Variants in ALG14 observed in about 807,000 individuals in gnomAD.
The protein encoded by ALG14 is ALG14 UDP-N-acetylglucosaminyltransferase subunit.
A neutral mutation model predicts 22.8 loss-of-function variants in ALG14; 17 were observed. The observed-to-expected ratio is 0.75, with a 90% CI of 0.51 to 1.12. The LOEUF (loss-of-function observed/expected upper bound fraction) is 1.12, where lower values mean the gene tolerates loss of function less well. Among genes scored for constraint, ALG14 ranks in the 50% most tolerant of loss-of-function variants. The pLI, the probability that ALG14 is intolerant of heterozygous loss-of-function variation, is 0.00. For synonymous variants in ALG14, 89 were observed against 103.7 expected (o/e 0.86, Z 0.86); for missense variants, 288 against 271.8 (o/e 1.06, Z -0.42).
intron 2 of ALG14, among the ~76,000 whole-genome samples, chr1:95,039,980 C>T (rs758727084): frequency 6.6e-6 from 1 of 151,948 alleles, no homozygotes; most frequent in Non-Finnish European, 1.5e-5. Context: ...CAAGACCAGG[C>T]TGGGCAACAC....
chr1:95,060,262 G>A (rs1487500431), intron 2 of ALG14, among the ~76,000 whole-genome samples: 2 of 151,782 alleles, frequency 1.3e-5, no homozygotes, highest in African/African-American at 4.8e-5. Context: ...GCTCTTCCCA[G>A]CTTCAGATTC....
rs1241073933 is a variant in ALG14 at position 94,979,702 on chromosome 1, G to T, written c.*3374C>A. 1 of 152,182 alleles carries T rather than the reference G, an allele frequency of 6.6e-6. No homozygotes were observed. The highest frequency in any genetic ancestry group is 1.9e-4 in the East Asian group (1 of 5,178). The allele number at this position is 152,182 out of a possible 1,614,324, so 9.4% of individuals were successfully genotyped here. A position where few individuals can be genotyped will look rare whatever the true frequency, so the allele number is the denominator to read the frequency against. On this transcript the variant is annotated 3_prime_UTR_variant, in exon 4 of 4. Coordinates refer to ENST00000370205, the MANE Select transcript of ALG14 (RefSeq NM_144988.4). ...AATGATCCCAAAGTTTGTTGCTTGAGGGACATGATAGAAGCTAGTGGGCTA... is the reference window on the plus strand; with the variant it reads ...AATGATCCCAAAGTTTGTTGCTTGATGGACATGATAGAAGCTAGTGGGCTA...
chr1:95,047,033 T>TAACATAACATAACA (rs1327938583), intron 2 of ALG14, among the ~76,000 whole-genome samples: 1 of 145,218 alleles, frequency 6.9e-6, no homozygotes, highest in Non-Finnish European at 1.5e-5. Context: ...TAACATAACA[T>TAACATAACATAACA]AACGACATGC....
At chr1:95,060,552 T>TAAA (rs200328047) in intron 2 of ALG14, among the ~76,000 whole-genome samples, 31 of 138,772 alleles carry the variant, frequency 2.2e-4, no homozygotes, top group African/African-American at 6.9e-4. Context: ...CTGTCTCTAT[T>TAAA]AAAAAAAAAA....
In ALG14 at chr1:95,017,470, G is replaced by A. The variant is rs146024758; in HGVS notation, c.420+9659C>T. Among the ~76,000 whole-genome samples, 44 of 152,312 alleles carry A rather than the reference G, an allele frequency of 2.9e-4. No individual in the cohort carries two copies. The East Asian group carries it at 8.3e-3, about 29-fold the overall frequency. On this transcript the variant is annotated intron_variant, in intron 3 of 3. Transcript: ENST00000370205. ...ATCTGATCGGGGCAGTTGGAAAGGA[G>A]TGCAGGTAAACAGGCCAACCTCTAG...
chr1:94,986,301 C>T (rs1377733944), intron 3 of ALG14, among the ~76,000 whole-genome samples: 1 of 152,072 alleles, frequency 6.6e-6, no homozygotes, highest in Admixed American at 6.5e-5. Context: ...GCACCTAGAA[C>T]AAAGCAGCCA....
intron 3 of ALG14, among the ~76,000 whole-genome samples, chr1:95,000,735 T>C (rs1408215126): frequency 7.3e-6 from 1 of 137,666 alleles, no homozygotes; most frequent in African/African-American, 2.8e-5. Flanking sequence ...ATTCAACCTA[T>C]GCTTACTGGA....
At chr1:95,057,202 T>C (rs1674965245) in intron 2 of ALG14, among the ~76,000 whole-genome samples, 1 of 151,424 alleles carries the variant, frequency 6.6e-6, no homozygotes, top group Non-Finnish European at 1.5e-5. Context: ...TATATGGATA[T>C]GGAAATATAT....
At chr1:95,044,849 A>T (rs778949213) in intron 2 of ALG14, among the ~76,000 whole-genome samples, 11 of 152,080 alleles carry the variant, frequency 7.2e-5, no homozygotes, top group Non-Finnish European at 1.3e-4. Flanking sequence ...GAAAGCAAAT[A>T]TTTATTGCTG....
chr1:94,978,800 T>A lies in ALG14; in HGVS notation c.*4276A>T, dbSNP rs1173500061. On this transcript the variant is annotated 3_prime_UTR_variant, in exon 4 of 4. Transcript: ENST00000370205. ...CCTTCTACTCCGTCATAGTACCCTGTTACCCCATTTATTTCCTTTTGAGGA... is the reference window on the plus strand; with the variant it reads ...CCTTCTACTCCGTCATAGTACCCTGATACCCCATTTATTTCCTTTTGAGGA... 2 of 151,642 alleles carry A rather than the reference T, an allele frequency of 1.3e-5. No homozygotes were observed. Among genetic ancestry groups the A allele is most frequent in the Non-Finnish European group, 2.9e-5 (2 of 68,008 alleles). 9.4% of individuals were successfully genotyped at this position (151,642 alleles called of 1,614,324 possible). A position where few individuals can be genotyped will look rare whatever the true frequency, so the allele number is the denominator to read the frequency against.
At chr1:95,037,210 T>C (rs1285279779) in intron 2 of ALG14, among the ~76,000 whole-genome samples, 1 of 152,196 alleles carries the variant, frequency 6.6e-6, no homozygotes, top group African/African-American at 2.4e-5. Flanking sequence ...ATTCCTCTCA[T>C]ATTCTCAGCC....
At chr1:95,028,995 G>T (rs915905846) in intron 2 of ALG14, among the ~76,000 whole-genome samples, 3 of 152,074 alleles carry the variant, frequency 2.0e-5, no homozygotes, top group Non-Finnish European at 2.9e-5. Flanking sequence ...CAGATATATT[G>T]GTTACCTATT....
At chr1:95,043,546 C>T (rs1387324364) in intron 2 of ALG14, among the ~76,000 whole-genome samples, 2 of 152,202 alleles carry the variant, frequency 1.3e-5, no homozygotes, top group Admixed American at 1.3e-4. Context: ...TCTCTACCGC[C>T]TCTACTGAGA....
chr1:94,991,142 G>A (rs572923515), intron 3 of ALG14, among the ~76,000 whole-genome samples: 165 of 152,214 alleles, frequency 1.1e-3, no homozygotes, highest in Non-Finnish European at 2.0e-3. Flanking sequence ...ATTTTATTGA[G>A]CAAAGATAAT....
chr1:94,991,519 T>C (rs191193749), intron 3 of ALG14, among the ~76,000 whole-genome samples: 3 of 152,300 alleles, frequency 2.0e-5, no homozygotes, highest in Admixed American at 6.5e-5. Flanking sequence ...AAATACTGTA[T>C]GAAAGACAGA....
At chr1:95,052,353 G>T (rs1340489621) in intron 2 of ALG14, among the ~76,000 whole-genome samples, 6 of 152,008 alleles carry the variant, frequency 3.9e-5, no homozygotes, top group African/African-American at 1.5e-4. Context: ...TAATTTAGGT[G>T]GTATAAACAC....
At chr1:95,012,261 C>T (rs1404934240) in intron 3 of ALG14, among the ~76,000 whole-genome samples, 2 of 152,300 alleles carry the variant, frequency 1.3e-5, no homozygotes, top group East Asian at 3.9e-4. Flanking sequence ...AAAAGTAAAA[C>T]TCAAAACATT....
In ALG14 at chr1:94,979,226, G is replaced by T. The variant is rs1236141381; in HGVS notation, c.*3850C>A. 1 of 146,022 alleles carries T rather than the reference G, an allele frequency of 6.8e-6. No homozygotes were observed. Among genetic ancestry groups the T allele is most frequent in the Non-Finnish European group, 1.5e-5 (1 of 67,058 alleles). 9.0% of individuals were successfully genotyped at this position (146,022 alleles called of 1,614,324 possible). ...TTGAAGCCAGGAGGCAGAGGTTACA[G>T]TGAGCCAGTAAGGTGAGATTGCACC... On this transcript the variant is annotated 3_prime_UTR_variant, in exon 4 of 4. Coordinates refer to ENST00000370205, the MANE Select transcript of ALG14 (RefSeq NM_144988.4).
In ALG14 at chr1:94,976,015, T is replaced by TAAAA. The variant is rs1368306630; in HGVS notation, c.*7060_*7061insTTTT. On this transcript the variant is annotated 3_prime_UTR_variant, in exon 4 of 4. Coordinates refer to ENST00000370205, the MANE Select transcript of ALG14 (RefSeq NM_144988.4). ...CTGGGCAACAGAGCGAGACTCTGTC[T>TAAAA]CAAAAAAAAAAAAAAAAAAAAAAAA... The TAAAA allele has an allele frequency of 2.1e-5, 1 of 48,222 alleles. No homozygotes were observed. The highest frequency in any genetic ancestry group is 1.1e-4 in the African/African-American group (1 of 9,406). 3.0% of individuals were successfully genotyped at this position (48,222 alleles called of 1,614,324 possible). A position where few individuals can be genotyped will look rare whatever the true frequency, so the allele number is the denominator to read the frequency against.
Sources: gnomAD v4.1 joint callset for allele counts (sites outside exome capture counted in the v4.1 genomes callset) on GRCh38, gnomAD v4.1.1 for gene constraint, MANE v1.5 for transcripts, NCBI Gene and HGNC (gene_info 2026-07-23, HGNC 2026-07-21) for gene names.